The following CDCP1 variants were observed in gnomAD, a reference collection of about 807,000 sequenced individuals.
The protein encoded by CDCP1 is CUB domain containing protein 1, also known as CUB domain-containing protein 1.
In CDCP1, 29 loss-of-function variants were observed where a neutral mutation model predicts 60.2. The observed-to-expected ratio is 0.48, with a 90% CI of 0.36 to 0.66. The LOEUF (loss-of-function observed/expected upper bound fraction) is 0.66, where lower values mean the gene tolerates loss of function less well. CDCP1 is among the 30% of genes least tolerant of loss of function. The pLI is 0.00. For synonymous variants in CDCP1, 387 were observed against 431.1 expected, an observed-to-expected ratio of 0.90 and a Z score of 1.27; for missense variants, 876 against 1,074.3, an observed-to-expected ratio of 0.82 and a Z score of 2.58.
rs1459263234 is a variant in CDCP1 at position 45,084,690 on chromosome 3, A to G, written c.*948T>C. On this transcript the variant is annotated 3_prime_UTR_variant, in exon 9 of 9. Transcript: ENST00000296129. The stretch of plus-strand genomic sequence containing the variant: ...TGGAATTCTGATCCCCAGGACTATA[A>G]GCTAATGTGTTGTTTTTAAGCTACC... The G allele has an allele frequency of 6.6e-6, 1 of 152,642 alleles. No individual in the cohort carries two copies. The highest frequency in any genetic ancestry group is 1.5e-5 in the Non-Finnish European group (1 of 68,042). The allele number at this position is 152,642 out of a possible 1,614,324, so 9.5% of individuals were successfully genotyped here.
chr3:45,119,776 T>C (rs558644752), intron 1 of CDCP1, among the ~76,000 whole-genome samples: 2 of 152,348 alleles, frequency 1.3e-5, no homozygotes, highest in African/African-American at 4.8e-5. Context: ...TTTTGACAAA[T>C]GTATACACTC....
rs1299344803 is a variant in CDCP1, at chr3:45,125,019, C to T, written c.83-6398G>A. Reference sequence around the variant, plus strand: ...AAGGTACTCTGAAGACATTGAGGGTCTGCTATCAACCATCTGGGGGTGGTG... The same window carrying T: ...AAGGTACTCTGAAGACATTGAGGGTTTGCTATCAACCATCTGGGGGTGGTG... On this transcript the variant is annotated intron_variant, in intron 1 of 8. Coordinates refer to ENST00000296129, the MANE Select transcript of CDCP1 (RefSeq NM_022842.5). 3.3e-5 allele frequency among the ~76,000 whole-genome samples: 5 copies of T among 152,152 alleles called. No homozygotes were observed. The East Asian group carries it at 9.6e-4, about 29-fold the overall frequency.
At chr3:45,107,627 G>C (rs1434244629) in intron 4 of CDCP1, among the ~76,000 whole-genome samples, 2 of 152,158 alleles carry the variant, frequency 1.3e-5, no homozygotes, top group African/African-American at 4.8e-5. Context: ...ACAACACCCC[G>C]ATGAGGACAG....
intron 5 of CDCP1, among the ~76,000 whole-genome samples, chr3:45,094,677 G>A (rs1243768507): frequency 2.2e-5 from 3 of 136,688 alleles, no homozygotes; most frequent in Admixed American, 7.9e-5. Flanking sequence ...TGTGAGAGAA[G>A]ACAAGAGGGC....
chr3:45,086,444 C>A (rs541426064), intron 8 of CDCP1, among the ~76,000 whole-genome samples: 1 of 152,362 alleles, frequency 6.6e-6, no homozygotes, highest in East Asian at 1.9e-4. Flanking sequence ...CCTTCTCAAC[C>A]ACATCAGGCT....
At chr3:45,093,972 A>G (rs1362366507) in intron 5 of CDCP1, among the ~76,000 whole-genome samples, 1 of 152,076 alleles carries the variant, frequency 6.6e-6, no homozygotes, top group Non-Finnish European at 1.5e-5. Context: ...GCTAAGTGTC[A>G]TGGGGCAGGG....
rs1698677889 is a variant in CDCP1 at position 45,110,809 on chromosome 3, C to T, written c.688G>A (p.Glu230Lys). The stretch of plus-strand genomic sequence containing the variant: ...GCAGACATCAGGGTTGCTGAGCCTT[C>T]ACCCTCAAACACAGACTCGATGATG... ...LCIIESVFEG[E>K]GSATLMSANY... The change falls in exon 4 of 9, where the codon GAA (glutamate) becomes AAA (lysine). Residue 230 changes from glutamate (E) to lysine (K), a missense_variant. Around this residue, in one of 2 missense-constraint regions of CDCP1, gnomAD observed 726 missense variants for 935.7 expected, o/e 0.78. Coordinates refer to ENST00000296129, the MANE Select transcript of CDCP1 (RefSeq NM_022842.5). The T allele has an allele frequency of 6.2e-7, 1 of 1,613,710 alleles. No homozygotes were observed. Among genetic ancestry groups the T allele is most frequent in the African/African-American group, 1.3e-5 (1 of 74,896 alleles).
intron 1 of CDCP1, among the ~76,000 whole-genome samples, chr3:45,136,809 T>C (rs182886546): frequency 4.6e-5 from 7 of 152,346 alleles, no homozygotes; most frequent in Non-Finnish European, 7.3e-5. Flanking sequence ...AAATTGTTTT[T>C]ATTTTTAAAA....
At chr3:45,128,439 C>T (rs1232504397) in intron 1 of CDCP1, among the ~76,000 whole-genome samples, 1 of 152,236 alleles carries the variant, frequency 6.6e-6, no homozygotes, top group Non-Finnish European at 1.5e-5. Context: ...GACCTCAGGG[C>T]TCAAGAGACA....
At chr3:45,110,287 G>T in intron 4 of CDCP1, 186 bp downstream of exon 4, 1 of 1,431,426 alleles carries the variant, frequency 7.0e-7, no homozygotes, top group Non-Finnish European at 9.1e-7. Context: ...CTACATACCG[G>T]GTGTTCACCA....
At position 45,140,416 on chromosome 3, in the gene CDCP1, G is replaced by A. The variant is rs75716645; in HGVS notation, c.82+5790C>T. ...TCATTTAAAACTTAAAGAAAGCTAC[G>A]CCATCTGTGCTCAGGGAACAGTTTT... On this transcript the variant is annotated intron_variant, in intron 1 of 8. Coordinates refer to ENST00000296129, the MANE Select transcript of CDCP1 (RefSeq NM_022842.5). 4.7e-4 allele frequency among the ~76,000 whole-genome samples: 71 copies of A among 152,300 alleles called. 1 individual carries two copies. The highest frequency in any genetic ancestry group is 1.6e-3 in the African/African-American group (67 of 41,554).
At chr3:45,145,926 C>T (rs1429892975) in intron 1 of CDCP1, among the ~76,000 whole-genome samples, 1 of 152,030 alleles carries the variant, frequency 6.6e-6, no homozygotes, top group African/African-American at 2.4e-5. Context: ...GGCTCATCCT[C>T]CCGGACCGGG....
intron 1 of CDCP1, among the ~76,000 whole-genome samples, chr3:45,125,254 G>C (rs530149723): frequency 1.3e-5 from 2 of 152,322 alleles, no homozygotes; most frequent in East Asian, 3.9e-4. Flanking sequence ...GGTGGGTAGA[G>C]GAGGCTGGAG....
rs1338941484 is a variant in CDCP1, at chr3:45,082,388, G to GT, written c.*3249dup. ...CTTGTATCCCAAAGCCTGGCTTTCT[G>GT]TATCATCCACAAATTAAGACAGCAT... On this transcript the variant is annotated 3_prime_UTR_variant, in exon 9 of 9. Transcript: ENST00000296129. The GT allele has an allele frequency of 2.0e-5, 3 of 152,200 alleles. No homozygotes were observed. Among genetic ancestry groups the GT allele is most frequent in the African/African-American group, 7.2e-5 (3 of 41,434 alleles). 9.4% of individuals were successfully genotyped at this position (152,200 alleles called of 1,614,324 possible). A position where few individuals can be genotyped will look rare whatever the true frequency, so the allele number is the denominator to read the frequency against.
Position 45,095,506 on chromosome 3 carries a change from G to A in CDCP1, c.1087C>T (p.Pro363Ser), listed in dbSNP as rs368595162. Residue 363 changes from proline to serine, a missense_variant, in exon 5 of 9, where the codon CCC becomes TCC. Coordinates refer to ENST00000296129, the MANE Select transcript of CDCP1 (RefSeq NM_022842.5). ...ACAAACTTGCGGCTCTGTTTGACGG[G>A]CCGTGGCTCGATGGTGAGTGACATG... ...RAMSLTIEPR[P>S]VKQSRKFVPG... 2 of 1,614,180 alleles carry A rather than the reference G, an allele frequency of 1.2e-6. No homozygotes were observed. The highest frequency in any genetic ancestry group is 4.5e-5 in the East Asian group (2 of 44,882).
At chr3:45,141,133 G>A (rs1576125752) in intron 1 of CDCP1, among the ~76,000 whole-genome samples, 1 of 152,074 alleles carries the variant, frequency 6.6e-6, no homozygotes, top group Non-Finnish European at 1.5e-5. Context: ...CCCAGGAGGT[G>A]GGGGTTGCAG....
At chr3:45,126,155 T>C (rs570597976) in intron 1 of CDCP1, among the ~76,000 whole-genome samples, 4 of 143,286 alleles carry the variant, frequency 2.8e-5, no homozygotes, top group Admixed American at 7.3e-5. Flanking sequence ...TCTTTCTTTC[T>C]TTCTTTCTTT....
intron 1 of CDCP1, among the ~76,000 whole-genome samples, chr3:45,138,946 T>C (rs773567809): frequency 4.6e-5 from 7 of 152,232 alleles, no homozygotes; most frequent in Non-Finnish European, 7.3e-5. Flanking sequence ...AGATTGAGCA[T>C]CTGGTGAGGG....
chr3:45,113,555 T>A (rs2125998355), intron 2 of CDCP1, among the ~76,000 whole-genome samples: 1 of 152,326 alleles, frequency 6.6e-6, no homozygotes, highest in East Asian at 1.9e-4. Flanking sequence ...TTTGAAAGTA[T>A]TGTCCACTCA....
Sources: gnomAD v4.1 joint callset for allele counts (sites outside exome capture counted in the v4.1 genomes callset) on GRCh38, gnomAD v4.1.1 for gene constraint, gnomAD v4.1.1 regional missense constraint, MANE v1.5 for transcripts, NCBI Gene and HGNC (gene_info 2026-07-23, HGNC 2026-07-21) for gene names.